The following CD163L1 variants were observed in gnomAD, a reference collection of about 807,000 sequenced individuals.
The protein encoded by CD163L1 is CD163 molecule like 1.
A neutral mutation model predicts 165.4 loss-of-function variants in CD163L1; 124 were observed. The observed-to-expected ratio is 0.75, with a 90% CI of 0.65 to 0.87. The LOEUF (loss-of-function observed/expected upper bound fraction) is 0.87. Among genes scored for constraint, CD163L1 ranks in the 40% least tolerant of loss-of-function variants. The probability of loss-of-function intolerance (pLI) is 0.00; values close to 1 mark genes in which losing one functional copy is unlikely to be tolerated. For missense variants in CD163L1, 1,525 were observed against 1,799.9 expected (o/e 0.85, Z 2.76); for synonymous variants, 585 against 662.2 (o/e 0.88, Z 1.79).
In CD163L1 at chr12:7,361,712, G is replaced by A. The variant is rs147757816; in HGVS notation, c.4280-4226C>T. Among the ~76,000 whole-genome samples, 504 of 152,176 alleles carry A rather than the reference G, an allele frequency of 3.3e-3. 3 individuals carry two copies. The highest frequency in any genetic ancestry group is 4.9e-3 in the Non-Finnish European group (330 of 68,002). ...AAACAAACAGAAAATTTACCATCAC[G>A]ATCACAATAGTCTTTCCTCAGTTTG... On this transcript the variant is annotated intron_variant, in intron 18 of 19. Transcript: ENST00000313599.
At chr12:7,321,354 A>G in the CD163L1 span, among the ~76,000 whole-genome samples, 4 of 152,222 alleles carry the variant, frequency 2.6e-5, no homozygotes, top group African/African-American at 7.2e-5. Flanking sequence ...GTTGCAATGT[A>G]TATTTGTTTA....
chr12:7,342,576 C>T (rs1044813367), downstream of CD163L1, among the ~76,000 whole-genome samples: 3 of 152,196 alleles, frequency 2.0e-5, no homozygotes, highest in African/African-American at 2.4e-5. Flanking sequence ...TCTAGCACCA[C>T]TGGGTTAGGG....
chr12:7,416,918 T>C lies in CD163L1; in HGVS notation c.767-10066A>G, dbSNP rs186967478. Among the ~76,000 whole-genome samples, 13 of 152,292 alleles carry C rather than the reference T, an allele frequency of 8.5e-5. No homozygotes were observed. The East Asian group carries it at 2.5e-3, about 29-fold the overall frequency. On this transcript the variant is annotated intron_variant, in intron 4 of 19. Transcript: ENST00000313599. ...CCAAACAGGCTCTTTTTTGGTTCCA[T>C]ATGCAATATGAAGTAGTTTTTTCTA...
chr12:7,320,747 C>G, the CD163L1 span: 1 of 1,613,708 alleles, frequency 6.2e-7, no homozygotes, highest in East Asian at 2.2e-5. Flanking sequence ...TATCCCATCA[C>G]GACCCTGTGC....
At chr12:7,382,472 G>T (rs1469255306) in intron 8 of CD163L1, among the ~76,000 whole-genome samples, 2 of 152,190 alleles carry the variant, frequency 1.3e-5, no homozygotes, top group African/African-American at 4.8e-5. Context: ...GAGAGAGAAA[G>T]AAGTGAAGCA....
chr12:7,364,655 T>C (rs1278067081), intron 18 of CD163L1, among the ~76,000 whole-genome samples: 2 of 151,760 alleles, frequency 1.3e-5, no homozygotes, highest in Non-Finnish European at 2.9e-5. Context: ...GCAAATAACC[T>C]GAAAAAGAAA....
At chr12:7,367,764 A>G (rs1368659459) in intron 17 of CD163L1, among the ~76,000 whole-genome samples, 2 of 152,114 alleles carry the variant, frequency 1.3e-5, no homozygotes, top group Non-Finnish European at 2.9e-5. Context: ...ATGCTTCTAC[A>G]TTTTCTATTG....
intron 6 of CD163L1, among the ~76,000 whole-genome samples, chr12:7,401,556 AT>A (rs995921692): frequency 6.6e-6 from 1 of 152,136 alleles, no homozygotes; most frequent in African/African-American, 2.4e-5. Context: ...ATAAAATCAT[AT>A]TTTTAACAGC....
intron 5 of CD163L1, among the ~76,000 whole-genome samples, chr12:7,404,590 T>C (rs1947979300): frequency 6.6e-6 from 1 of 152,208 alleles, no homozygotes; most frequent in Non-Finnish European, 1.5e-5. Context: ...TGGAGAACTT[T>C]TCTTGAAATA....
chr12:7,403,424 GTT>G, intron 6 of CD163L1, 109 bp downstream of exon 6: 1 of 1,000,042 alleles, frequency 1.0e-6, no homozygotes, highest in Non-Finnish European at 1.4e-6. Flanking sequence ...AGTATTTTGG[GTT>G]TTTTTTTAAG....
chr12:7,363,407 T>C (rs761088899), intron 18 of CD163L1, among the ~76,000 whole-genome samples: 3 of 150,712 alleles, frequency 2.0e-5, no homozygotes, highest in Non-Finnish European at 4.4e-5. Context: ...CCCAAATTAG[T>C]AGATAAAAAG....
chr12:7,337,759 C>T, the CD163L1 span, among the ~76,000 whole-genome samples: 12 of 152,240 alleles, frequency 7.9e-5, no homozygotes, highest in Admixed American at 2.0e-4. Flanking sequence ...GACAGTGTGG[C>T]GATTCCTCAA....
chr12:7,388,278 C>T (rs2136468316), intron 8 of CD163L1, among the ~76,000 whole-genome samples: 1 of 152,234 alleles, frequency 6.6e-6, no homozygotes, highest in Middle Eastern at 3.4e-3. Flanking sequence ...AACTTTTAGA[C>T]AAACTAAAAA....
At chr12:7,439,831 T>C (rs2136652546) in intron 2 of CD163L1, 3 of 1,613,488 alleles carry the variant, frequency 1.9e-6, no homozygotes, top group African/African-American at 2.7e-5. Context: ...CTCTCCGTCC[T>C]CCTCACTGTC....
intron 4 of CD163L1, among the ~76,000 whole-genome samples, chr12:7,426,027 AC>A (rs1442062736): frequency 1.3e-5 from 2 of 152,206 alleles, no homozygotes; most frequent in Non-Finnish European, 2.9e-5. Context: ...AAAAGCAAAG[AC>A]TTGGAACCAA....
rs1947818772 is a variant in CD163L1 at position 7,398,239 on chromosome 12, A to T, written c.1729+25T>A. On this transcript the variant is annotated intron_variant, in intron 7 of 19. Transcript: ENST00000313599. The surrounding 1 kb of genome is among the most constrained non-coding windows in gnomAD (Gnocchi z 4.5). ...AGGAATACTATTTCTCTTATCAGGA[A>T]ATAATAAACAAGAACAAGTCTTACC... The T allele has an allele frequency of 6.3e-7, 1 of 1,589,318 alleles. No homozygotes were observed. The highest frequency in any genetic ancestry group is 1.7e-5 in the Admixed American group (1 of 58,198).
intron 4 of CD163L1, among the ~76,000 whole-genome samples, chr12:7,428,069 T>A (rs1356880450): frequency 2.6e-5 from 4 of 152,072 alleles, no homozygotes; most frequent in Non-Finnish European, 4.4e-5. Context: ...ATCAGATAAT[T>A]TCTGGTTGCC....
chr12:7,426,652 T>C (rs1244756069), intron 4 of CD163L1, among the ~76,000 whole-genome samples: 1 of 152,042 alleles, frequency 6.6e-6, no homozygotes, highest in Non-Finnish European at 1.5e-5. Flanking sequence ...ACCAGGTTGA[T>C]AGGTGCAGCA....
chr12:7,399,288 TTTTCTTTCTCTCC>T (rs1947852978), intron 6 of CD163L1, among the ~76,000 whole-genome samples: 1 of 108,476 alleles, frequency 9.2e-6, no homozygotes, highest in African/African-American at 7.0e-5. Flanking sequence ...TCTTCTTTCC[TTTTCTTTCTCTCC>T]TTTCTTTCTT....
Sources: allele counts gnomAD v4.1 joint callset (sites outside exome capture counted in the v4.1 genomes callset), GRCh38; gene constraint gnomAD v4.1.1; non-coding constraint Gnocchi (gnomAD v3.1); transcripts MANE v1.5; gene names NCBI Gene and HGNC (gene_info 2026-07-23, HGNC 2026-07-21).